The following NCKAP5 variants were observed in gnomAD, a reference collection of about 807,000 sequenced individuals.
NCKAP5 encodes nck-associated protein 5.
In NCKAP5, 92 loss-of-function variants were observed where a neutral mutation model predicts 167.0. The observed-to-expected ratio is 0.55, with a 90% CI of 0.47 to 0.66. The LOEUF is 0.66. NCKAP5 is among the 30% of genes least tolerant of loss of function. The pLI is 0.00. For missense variants in NCKAP5, 2,378 were observed against 2,315.0 expected, an observed-to-expected ratio of 1.03 and a Z score of -0.56; for synonymous variants, 891 against 877.4, an observed-to-expected ratio of 1.02 and a Z score of -0.27.
chr2:132,778,754 A>G (rs760578943), intron 15 of NCKAP5, among the ~76,000 whole-genome samples: 3 of 152,234 alleles, frequency 2.0e-5, no homozygotes, highest in Non-Finnish European at 2.9e-5. Flanking sequence ...TAAAAGGTTC[A>G]TGGGTATTCA....
chr2:132,782,035 T>C lies in NCKAP5; in HGVS notation c.4776A>G (p.Gln1592=), dbSNP rs1231422849. Residue 1592 remains glutamine (Q), a synonymous_variant, in exon 14 of 20, where the codon CAA becomes CAG. Transcript: ENST00000409261. ...CAATCTTCAGTTGGTTGTAAATGTC[T>C]TGTGGTGTTCTCCGATTATTTTTGC... ...LQSKNNRRTP[Q]DIYNQLKIEP... is the part of the protein sequence containing the mutation. 4 of 1,614,042 alleles carry C rather than the reference T, an allele frequency of 2.5e-6. No homozygotes were observed. The highest frequency in any genetic ancestry group is 1.3e-5 in the African/African-American group (1 of 75,062).
the NCKAP5 span, among the ~76,000 whole-genome samples, chr2:133,594,902 ATTCG>A: frequency 7.3e-6 from 1 of 137,268 alleles, no homozygotes; most frequent in African/African-American, 2.7e-5. Flanking sequence ...TCATTCATTC[ATTCG>A]ACAAACACAC....
chr2:133,369,959 C>G (rs1236052768), intron 3 of NCKAP5, among the ~76,000 whole-genome samples: 1 of 152,194 alleles, frequency 6.6e-6, no homozygotes, highest in Non-Finnish European at 1.5e-5. Flanking sequence ...ACTGGTTTAG[C>G]TGGGACCCCA....
intron 7 of NCKAP5, among the ~76,000 whole-genome samples, chr2:132,971,680 G>A (rs999933095): frequency 9.9e-5 from 15 of 152,188 alleles, no homozygotes; most frequent in African/African-American, 2.4e-4. Flanking sequence ...TTTGTAAGGC[G>A]TTCCATAATT....
At chr2:132,717,911 G>A (rs537291370) in intron 19 of NCKAP5, among the ~76,000 whole-genome samples, 3 of 152,314 alleles carry the variant, frequency 2.0e-5, no homozygotes, top group Admixed American at 6.5e-5. Context: ...GGGCATGCTG[G>A]AAACTGAGCC....
At chr2:133,067,184 G>A (rs774354760) in intron 6 of NCKAP5, among the ~76,000 whole-genome samples, 17 of 151,946 alleles carry the variant, frequency 1.1e-4, no homozygotes, top group Admixed American at 2.0e-4. Flanking sequence ...ATTTTTATAG[G>A]TACTGTTCAA....
At chr2:132,882,977 G>C (rs1430404846) in intron 8 of NCKAP5, among the ~76,000 whole-genome samples, 1 of 151,918 alleles carries the variant, frequency 6.6e-6, no homozygotes, top group East Asian at 1.9e-4. Context: ...AGGATCCCTT[G>C]AGCCCAGGAG....
At chr2:132,925,323 G>A (rs1695778175) in intron 8 of NCKAP5, among the ~76,000 whole-genome samples, 1 of 151,948 alleles carries the variant, frequency 6.6e-6, no homozygotes, top group African/African-American at 2.4e-5. Flanking sequence ...GGGAGGCCGA[G>A]GCGGGCAGAT....
At chr2:132,679,725 A>G (rs1480162765) in intron 19 of NCKAP5, among the ~76,000 whole-genome samples, 1 of 152,180 alleles carries the variant, frequency 6.6e-6, no homozygotes, top group East Asian at 1.9e-4. Context: ...TTTGGGCTGA[A>G]GCTGAACATG....
intron 11 of NCKAP5, among the ~76,000 whole-genome samples, chr2:132,844,048 C>A (rs986588518): frequency 1.3e-5 from 2 of 151,550 alleles, no homozygotes; most frequent in Non-Finnish European, 2.9e-5. Flanking sequence ...CTCCTCCACT[C>A]CTCCCAGCTT....
At chr2:133,002,094 C>T (rs116187438) in intron 6 of NCKAP5, among the ~76,000 whole-genome samples, 1,560 of 152,238 alleles carry the variant, frequency 0.01, 23 homozygotes, top group African/African-American at 0.036. Context: ...GTCCTGGAAT[C>T]GATCCCCCAT....
intron 6 of NCKAP5, among the ~76,000 whole-genome samples, chr2:133,104,157 TAAG>T (rs1309926495): frequency 6.6e-6 from 1 of 151,464 alleles, no homozygotes; most frequent in Non-Finnish European, 1.5e-5. Context: ...AAAAAAAGTA[TAAG>T]GAGTGATTTC....
intron 3 of NCKAP5, among the ~76,000 whole-genome samples, chr2:133,448,380 G>A (rs1691341919): frequency 6.6e-6 from 1 of 152,166 alleles, no homozygotes; most frequent in Non-Finnish European, 1.5e-5. Flanking sequence ...GACATGAGAG[G>A]AAGAGCGAGC....
At chr2:133,668,159 C>T in the NCKAP5 span, among the ~76,000 whole-genome samples, 1 of 151,986 alleles carries the variant, frequency 6.6e-6, no homozygotes, top group Non-Finnish European at 1.5e-5. Context: ...GGATATACCA[C>T]ATTTCCTTTA....
intron 3 of NCKAP5, among the ~76,000 whole-genome samples, chr2:133,393,534 G>A (rs1028997664): frequency 2.7e-4 from 41 of 152,222 alleles, no homozygotes; most frequent in Middle Eastern, 3.4e-3. Flanking sequence ...AAATTCAACT[G>A]GAATATCCAG....
At chr2:133,139,473 T>G (rs1402840100) in intron 5 of NCKAP5, among the ~76,000 whole-genome samples, 1 of 152,158 alleles carries the variant, frequency 6.6e-6, no homozygotes, top group African/African-American at 2.4e-5. Flanking sequence ...GCACAGTTTT[T>G]GGGTTAAAGA....
intron 11 of NCKAP5, among the ~76,000 whole-genome samples, chr2:132,820,546 T>C (rs1446356319): frequency 6.6e-6 from 1 of 152,100 alleles, no homozygotes; most frequent in East Asian, 1.9e-4. Flanking sequence ...TTTTGTTTTT[T>C]GTTTTTTGTT....
chr2:132,727,003 G>A (rs999652030), intron 18 of NCKAP5, among the ~76,000 whole-genome samples: 4 of 152,202 alleles, frequency 2.6e-5, no homozygotes, highest in African/African-American at 9.7e-5. Flanking sequence ...ACTGAACCAG[G>A]CATCGTGCCA....
chr2:133,157,696 A>C (rs1345607546), intron 5 of NCKAP5, among the ~76,000 whole-genome samples: 4 of 151,364 alleles, frequency 2.6e-5, no homozygotes, highest in Non-Finnish European at 2.9e-5. Context: ...TGCATTTGGC[A>C]CTCACTTTGA....
Sources: gnomAD v4.1 joint callset for allele counts (sites outside exome capture counted in the v4.1 genomes callset) on GRCh38, gnomAD v4.1.1 for gene constraint, MANE v1.5 for transcripts, NCBI Gene and HGNC (gene_info 2026-07-23, HGNC 2026-07-21) for gene names.